CNTLN: variants seen among roughly 807,000 people sequenced by gnomAD.
The protein encoded by CNTLN is centlein, centrosomal protein.
Under a neutral mutation model 180.0 loss-of-function variants are expected in CNTLN, and 212 were observed. That is an observed-to-expected ratio of 1.18 (90% CI 1.05 to 1.32). CNTLN has a LOEUF of 1.32. Among genes scored for constraint, CNTLN ranks in the 40% most tolerant of loss-of-function variants. The probability of loss-of-function intolerance (pLI) is 0.00; values close to 1 mark genes in which losing one functional copy is unlikely to be tolerated. For missense variants in CNTLN, 2,095 were observed against 1,610.9 expected (o/e 1.30, Z -5.14); for synonymous variants, 722 against 563.1 (o/e 1.28, Z -3.99).
At chr9:17,159,652 G>A (rs143138296) in intron 2 of CNTLN, among the ~76,000 whole-genome samples, 2 of 152,120 alleles carry the variant, frequency 1.3e-5, no homozygotes, top group East Asian at 1.9e-4. Flanking sequence ...TGTTCTTCCC[G>A]GGAAGAAAAC....
In CNTLN at chr9:17,235,703, A is replaced by T; in HGVS notation, c.580A>T (p.Lys194Ter). 1 of 1,608,758 alleles carries T rather than the reference A, an allele frequency of 6.2e-7. No homozygotes were observed. The highest frequency in any genetic ancestry group is 8.5e-7 in the Non-Finnish European group (1 of 1,177,760). Residue 194 changes from lysine (K) to a stop codon, truncating the protein, a stop_gained, in exon 4 of 26, where the codon AAA becomes TAA. Coordinates refer to ENST00000380647, the MANE Select transcript of CNTLN (RefSeq NM_017738.4). LOFTEE classifies it high-confidence loss of function. ...GGAAATAAATGACCTTGTAAAACGG[A>T]AAATTGCAGTAGATGAAGAAAATGC... ...KQEINDLVKR[K>*]IAVDEENAFL...
rs146469701 is a variant in CNTLN at position 17,163,956 on chromosome 9, T to C, written c.449+20580T>C. Among the ~76,000 whole-genome samples the C allele has an allele frequency of 7.0e-3, 1,064 of 151,870 alleles. 14 individuals carry two copies. The highest frequency in any genetic ancestry group is 0.024 in the African/African-American group (1,005 of 41,412). On this transcript the variant is annotated intron_variant, in intron 2 of 25. Transcript: ENST00000380647. ...ATAGCTTGAGCCCAGGAAGTGTAGG[T>C]TGCAGTGAGCTGAATTCATGCCACT...
intron 13 of CNTLN, among the ~76,000 whole-genome samples, chr9:17,386,220 TATTA>T (rs1293780002): frequency 2.0e-5 from 3 of 151,982 alleles, no homozygotes; most frequent in Non-Finnish European, 4.4e-5. Flanking sequence ...GAAAACTTTA[TATTA>T]ATTATTTAAG....
chr9:17,409,178 A>C, intron 15 of CNTLN, 115 bp from the exon 16 acceptor site: 12 of 893,878 alleles, frequency 1.3e-5, no homozygotes, highest in Non-Finnish European at 2.1e-5. Context: ...GCCCACGTTA[A>C]ACTTGCAGTT....
chr9:17,187,326 A>G (rs1821492091), intron 2 of CNTLN, among the ~76,000 whole-genome samples: 1 of 152,080 alleles, frequency 6.6e-6, no homozygotes, highest in African/African-American at 2.4e-5. Context: ...GTGGCTGCCA[A>G]TATTCCTTCT....
At chr9:17,430,525 C>G (rs1829355427) in intron 18 of CNTLN, among the ~76,000 whole-genome samples, 1 of 151,926 alleles carries the variant, frequency 6.6e-6, no homozygotes, top group South Asian at 2.1e-4. Flanking sequence ...TATCCATGAT[C>G]TCAAAAATTT....
At chr9:17,527,547 A>G in the CNTLN span, among the ~76,000 whole-genome samples, 1 of 152,170 alleles carries the variant, frequency 6.6e-6, no homozygotes, top group East Asian at 1.9e-4. Context: ...GGTGGGAGCT[A>G]GGATTCTTAC....
chr9:17,501,383 T>C (rs757325745), intron 25 of CNTLN, among the ~76,000 whole-genome samples: 3 of 152,236 alleles, frequency 2.0e-5, no homozygotes, highest in Non-Finnish European at 4.4e-5. Context: ...TATTTCTCTT[T>C]CATGGCTAAT....
intron 18 of CNTLN, among the ~76,000 whole-genome samples, chr9:17,420,559 C>G (rs1187396343): frequency 1.3e-5 from 2 of 151,178 alleles, no homozygotes; most frequent in Non-Finnish European, 3.0e-5. Context: ...TCATTTATTT[C>G]TTCTCTGATC....
chr9:17,267,916 G>A (rs560124395), intron 5 of CNTLN, among the ~76,000 whole-genome samples: 17 of 152,130 alleles, frequency 1.1e-4, no homozygotes, highest in Non-Finnish European at 2.2e-4. Flanking sequence ...CTCTGCATTA[G>A]TTGTTCTAGT....
rs1347015242 is a variant in CNTLN at position 17,490,947 on chromosome 9, A to G, written c.4119+3881A>G. On this transcript the variant is annotated intron_variant, in intron 25 of 25. Coordinates refer to ENST00000380647, the MANE Select transcript of CNTLN (RefSeq NM_017738.4). ...TATAAATATTTTTATTTCAAACTCA[A>G]TAGTTTCTTTTCAGTTGGCACATAA... Among the ~76,000 whole-genome samples the G allele has an allele frequency of 2.6e-5, 4 of 152,070 alleles. No individual in the cohort carries two copies. The South Asian group carries it at 6.2e-4, about 24-fold the overall frequency.
intron 9 of CNTLN, 63 bp from the exon 10 acceptor site, chr9:17,332,542 T>C (rs1257391292): frequency 3.4e-6 from 5 of 1,486,758 alleles, no homozygotes; most frequent in African/African-American, 1.4e-5. Context: ...TTCTTTAATT[T>C]TGCATGTCTT....
chr9:17,252,396 C>T (rs1826198046), intron 5 of CNTLN, among the ~76,000 whole-genome samples: 1 of 151,720 alleles, frequency 6.6e-6, no homozygotes, highest in African/African-American at 2.4e-5. Context: ...GTTGTATCCT[C>T]ACTTACATCT....
Position 17,246,170 on chromosome 9 carries a change from A to T in CNTLN, c.849+9582A>T, listed in dbSNP as rs1013928922. 6.6e-5 allele frequency among the ~76,000 whole-genome samples: 10 copies of T among 152,220 alleles called. No homozygotes were observed. In the East Asian group the frequency reaches 1.9e-3, roughly 30 times the overall value. Reference sequence around the variant, plus strand: ...TTACAGTCTGGGATTGTTTGTACTCATCTTTCTCAGGAGGGCTTTCCTAGT... The same window carrying T: ...TTACAGTCTGGGATTGTTTGTACTCTTCTTTCTCAGGAGGGCTTTCCTAGT... On this transcript the variant is annotated intron_variant, in intron 5 of 25. Coordinates refer to ENST00000380647, the MANE Select transcript of CNTLN (RefSeq NM_017738.4).
chr9:17,405,385 CG>C (rs1181539537), intron 15 of CNTLN, among the ~76,000 whole-genome samples: 1 of 151,682 alleles, frequency 6.6e-6, no homozygotes, highest in Non-Finnish European at 1.5e-5. Context: ...CTTACAGTTC[CG>C]GAAGCTGGGA....
At chr9:17,158,769 T>G (rs973914218) in intron 2 of CNTLN, among the ~76,000 whole-genome samples, 5 of 152,110 alleles carry the variant, frequency 3.3e-5, no homozygotes, top group Admixed American at 2.6e-4. Flanking sequence ...TCATGATCAG[T>G]CTAGCTAAAG....
At chr9:17,492,125 C>G (rs147775511) in intron 25 of CNTLN, among the ~76,000 whole-genome samples, 1 of 152,104 alleles carries the variant, frequency 6.6e-6, no homozygotes, top group Non-Finnish European at 1.5e-5. Context: ...TCTCTACTCA[C>G]AGCCTTGCTG....
chr9:17,200,498 C>G (rs565869003), intron 2 of CNTLN, among the ~76,000 whole-genome samples: 7 of 152,118 alleles, frequency 4.6e-5, no homozygotes, highest in African/African-American at 1.4e-4. Context: ...TGTTTTTGAC[C>G]TCTCTTATTT....
At chr9:17,266,653 T>A (rs1219852251) in intron 5 of CNTLN, among the ~76,000 whole-genome samples, 5 of 152,146 alleles carry the variant, frequency 3.3e-5, no homozygotes, top group Admixed American at 3.3e-4. Flanking sequence ...TAGTCTCCCA[T>A]TATTATTGTG....
Sources: gnomAD v4.1 joint callset for allele counts (sites outside exome capture counted in the v4.1 genomes callset) on GRCh38, gnomAD v4.1.1 for gene constraint, MANE v1.5 for transcripts, NCBI Gene and HGNC (gene_info 2026-07-23, HGNC 2026-07-21) for gene names.